The following VPS13B variants were observed in gnomAD, a reference collection of about 807,000 sequenced individuals.
The protein encoded by VPS13B is vacuolar protein sorting 13 homolog B.
In VPS13B, 285 loss-of-function variants were observed where a neutral mutation model predicts 426.4. The ratio of observed to expected loss-of-function variants is 0.67; its 90% CI spans 0.61 to 0.74. The LOEUF (loss-of-function observed/expected upper bound fraction) is 0.74, where lower values mean the gene tolerates loss of function less well. VPS13B is among the 30% of genes least tolerant of loss of function. The pLI is 0.00. For synonymous variants in VPS13B, 1,676 were observed against 1,676.4 expected (o/e 1.00, Z 0.01); for missense variants, 4,537 against 4,782.6 (o/e 0.95, Z 1.51).
At chr8:99,098,140 ACT>A (rs1846525897) in intron 4 of VPS13B, among the ~76,000 whole-genome samples, 2 of 151,866 alleles carry the variant, frequency 1.3e-5, no homozygotes, top group African/African-American at 4.8e-5. Context: ...TTCTTTGTTC[ACT>A]CTGTTTTTTG....
intron 29 of VPS13B, among the ~76,000 whole-genome samples, chr8:99,520,240 C>A (rs1175443917): frequency 1.3e-5 from 2 of 152,008 alleles, no homozygotes; most frequent in Non-Finnish European, 2.9e-5. Context: ...AGCAATTTTA[C>A]AGTAGAAGTT....
At chr8:99,267,601 C>G (rs1325052443) in intron 17 of VPS13B, among the ~76,000 whole-genome samples, 1 of 151,800 alleles carries the variant, frequency 6.6e-6, no homozygotes, top group Admixed American at 6.6e-5. Context: ...GTAGCGCATG[C>G]CTATAATCCC....
At chr8:99,096,755 C>CAAAAAAAAAAAA (rs56378823) in intron 4 of VPS13B, among the ~76,000 whole-genome samples, 2 of 116,786 alleles carry the variant, frequency 1.7e-5, no homozygotes, top group Non-Finnish European at 3.7e-5. Context: ...TACTCTGTCT[C>CAAAAAAAAAAAA]AAAAAAAAAA....
chr8:99,589,034 T>C (rs1185218162), intron 33 of VPS13B, among the ~76,000 whole-genome samples: 1 of 151,826 alleles, frequency 6.6e-6, no homozygotes, highest in African/African-American at 2.4e-5. Context: ...TTGAAGACCT[T>C]TTCTGCATCT....
At chr8:99,166,735 T>G (rs1812029108) in intron 15 of VPS13B, among the ~76,000 whole-genome samples, 2 of 152,106 alleles carry the variant, frequency 1.3e-5, no homozygotes, top group African/African-American at 4.8e-5. Flanking sequence ...ATATGGACTC[T>G]CAAGGGACCC....
chr8:99,023,347 T>A (rs974085192), intron 2 of VPS13B, among the ~76,000 whole-genome samples: 1 of 152,180 alleles, frequency 6.6e-6, no homozygotes, highest in Non-Finnish European at 1.5e-5. Context: ...GCAATATTTG[T>A]CTTTCTGTGC....
chr8:99,470,123 G>A (rs916306369), intron 24 of VPS13B, among the ~76,000 whole-genome samples: 6 of 152,042 alleles, frequency 3.9e-5, no homozygotes, highest in African/African-American at 7.2e-5. Flanking sequence ...TTGTTATGGC[G>A]GCTCTGCCTG....
intron 16 of VPS13B, among the ~76,000 whole-genome samples, chr8:99,188,129 T>G (rs1813326637): frequency 6.6e-6 from 1 of 150,516 alleles, no homozygotes; most frequent in Non-Finnish European, 1.5e-5. Context: ...GTTCTAATAC[T>G]TTAGGGACCT....
intron 40 of VPS13B, among the ~76,000 whole-genome samples, chr8:99,774,561 T>C (rs1659199580): frequency 2.0e-5 from 3 of 152,314 alleles, no homozygotes; most frequent in East Asian, 1.9e-4. Context: ...AAAACTATAA[T>C]TGGTCAGAAA....
rs1044311122 is a variant in VPS13B, at chr8:99,444,086, GTTTCTTTTT to G, written c.3445+1473_3445+1481del. On this transcript the variant is annotated intron_variant, in intron 23 of 61. Coordinates refer to ENST00000357162, the MANE Select transcript of VPS13B (RefSeq NM_152564.5). ...GAGAGCAATTAATTTTAAGTGGTTT[GTTTCTTTTT>G]TTTCTTTTTTTTCTTTTTTTTGAGA... is the stretch of plus-strand genomic sequence containing the variant. 3.2e-4 allele frequency among the ~76,000 whole-genome samples: 48 copies of G among 150,898 alleles called. 1 individual carries two copies. The highest frequency in any genetic ancestry group is 8.4e-4 in the South Asian group (4 of 4,782).
At chr8:99,734,071 T>G (rs1036826538) in intron 39 of VPS13B, among the ~76,000 whole-genome samples, 9 of 152,236 alleles carry the variant, frequency 5.9e-5, no homozygotes, top group African/African-American at 2.2e-4. Context: ...ACTTTCTGTC[T>G]CTATATATCT....
chr8:99,143,247 CTT>C (rs1810529972), intron 13 of VPS13B, 82 bp downstream of exon 13: 22 of 1,583,378 alleles, frequency 1.4e-5, no homozygotes, highest in Non-Finnish European at 1.9e-5. Context: ...GTCTTGCTAA[CTT>C]TACGTTTTTA....
intron 44 of VPS13B, among the ~76,000 whole-genome samples, chr8:99,812,936 AG>A (rs932318340): frequency 2.6e-5 from 4 of 152,180 alleles, no homozygotes. Context: ...TTGGGGAAGG[AG>A]GGGAATTAGT....
At chr8:99,457,777 A>T (rs1250321962) in intron 23 of VPS13B, among the ~76,000 whole-genome samples, 1 of 152,020 alleles carries the variant, frequency 6.6e-6, no homozygotes, top group Non-Finnish European at 1.5e-5. Context: ...AAATTGTGAT[A>T]TGTTTACATT....
intron 34 of VPS13B, 79 bp from the exon 35 acceptor site, chr8:99,661,275 T>A: frequency 1.3e-6 from 2 of 1,573,786 alleles, no homozygotes; most frequent in Non-Finnish European, 1.7e-6. Context: ...TTTCTCTCAT[T>A]TATTAACTCA....
In VPS13B at chr8:99,481,594, C is replaced by G. The variant is rs886062540; in HGVS notation, c.3667-5C>G. 1.2e-6 allele frequency: 2 copies of G among 1,613,234 alleles called. No homozygotes were observed. Among genetic ancestry groups the G allele is most frequent in the Non-Finnish European group, 1.7e-6 (2 of 1,179,686 alleles). On this transcript the variant is annotated splice_polypyrimidine_tract_variant and splice_region_variant and intron_variant, in intron 24 of 61. Coordinates refer to ENST00000357162, the MANE Select transcript of VPS13B (RefSeq NM_152564.5). ...GTTTTCTTTTCTTTTTTCTTATGCT[C>G]TCAGGTCCAGCTCTTCTATGAACTA...
rs572112573 is a variant in VPS13B, at chr8:99,386,513, C to G, written c.2934+2196C>G. On this transcript the variant is annotated intron_variant, in intron 20 of 61. Coordinates refer to ENST00000357162, the MANE Select transcript of VPS13B (RefSeq NM_152564.5). ...TACAGAGTATTACTGTACTGAATAC[C>G]TTAGGCAATTGTAACACAAAGGTAA... 4.6e-5 allele frequency among the ~76,000 whole-genome samples: 7 copies of G among 152,142 alleles called. No individual in the cohort carries two copies. The East Asian group carries it at 1.4e-3, about 29-fold the overall frequency.
intron 19 of VPS13B, among the ~76,000 whole-genome samples, chr8:99,296,020 G>A (rs954852348): frequency 4.6e-5 from 7 of 152,062 alleles, no homozygotes; most frequent in African/African-American, 1.7e-4. Context: ...GCAATACAGT[G>A]AGACCCTATC....
At chr8:99,784,187 A>T in intron 42 of VPS13B, 128 bp from the exon 43 acceptor site, 1 of 1,153,192 alleles carries the variant, frequency 8.7e-7, no homozygotes, top group Non-Finnish European at 1.3e-6. Flanking sequence ...AATACTTTGT[A>T]TACCAGAGCT....
Sources: gnomAD v4.1 joint callset for allele counts (sites outside exome capture counted in the v4.1 genomes callset) on GRCh38, gnomAD v4.1.1 for gene constraint, MANE v1.5 for transcripts, NCBI Gene and HGNC (gene_info 2026-07-23, HGNC 2026-07-21) for gene names.